FAM83H: variants seen among roughly 807,000 people sequenced by gnomAD.
FAM83H encodes protein FAM83H.
A neutral mutation model predicts 30.2 loss-of-function variants in FAM83H; 24 were observed. That is an observed-to-expected ratio of 0.79 (90% CI 0.57 to 1.12). The LOEUF is 1.12. Ranked by LOEUF, FAM83H falls within the 50% of genes most tolerant of loss-of-function variation. FAM83H has a pLI of 0.00. For missense variants in FAM83H, 2,038 were observed against 1,773.9 expected (o/e 1.15, Z -2.67); for synonymous variants, 1,013 against 821.7 (o/e 1.23, Z -3.98).
At chr8:143,732,276 G>A (rs1818549225) in intron 1 of FAM83H, 1 of 985,240 alleles carries the variant, frequency 1.0e-6, no homozygotes, top group South Asian at 4.7e-5. Context: ...TTCTTTGTTG[G>A]GGCACCGTCC....
Position 143,729,056 on chromosome 8 carries a change from G to C in FAM83H, c.648C>G (p.Tyr216Ter), listed in dbSNP as rs1554623669. ...TGAAGGACTTCCCAGTGCGGCAGTA[G>C]TAGGTGGGGCCCGCCACAGTCCGTA... ...LRVRTVAGPT[Y>*]YCRTGKSFKG... Residue 216 changes from tyrosine to a stop codon, truncating the protein, a stop_gained, in exon 4 of 5, where the codon TAC becomes TAG. Transcript: ENST00000388913. LOFTEE classifies it high-confidence loss of function. The C allele has an allele frequency of 6.2e-7, 1 of 1,613,586 alleles. No homozygotes were observed. The highest frequency in any genetic ancestry group is 1.7e-5 in the Admixed American group (1 of 60,030).
rs1445529366 is a variant in FAM83H, at chr8:143,728,987, C to T, written c.717G>A (p.Val239=). ...CGCACCTGTAGCTCCCACTCATCAC[C>T]ACGGCACAGTCCACCAGCAGGAACT... ...KEKFLLVDCA[V]VMSGSYSFMW... The change falls in exon 4 of 5, where the codon GTG becomes GTA. Residue 239 remains valine, a synonymous_variant. Transcript: ENST00000388913. 1 of 1,613,596 alleles carries T rather than the reference C, an allele frequency of 6.2e-7. No homozygotes were observed. The highest frequency in any genetic ancestry group is 1.3e-5 in the African/African-American group (1 of 74,894).
Position 143,725,668 on chromosome 8 carries a change from A to C in FAM83H, c.*253T>G. The C allele has an allele frequency of 1.7e-6, 1 of 601,446 alleles. No homozygotes were observed. 37.3% of individuals were successfully genotyped at this position (601,446 alleles called of 1,614,324 possible). A position where few individuals can be genotyped will look rare whatever the true frequency, so the allele number is the denominator to read the frequency against. On this transcript the variant is annotated 3_prime_UTR_variant, in exon 5 of 5. Transcript: ENST00000388913. ...CGCAAGGCTGACGGTGCAGAGATGA[A>C]GGTGCTGAGGGGAGAAAGGCACTGG...
Position 143,726,052 on chromosome 8 carries a change from C to G in FAM83H, c.3409G>C (p.Glu1137Gln). ...GCCTCCTCTTTCTTGCAGAAGACCT[C>G]GAAGCGGCTGTACACGCGCTTCTCC... ...RKEKRVYSRFEVFCKKEEASS... is the reference protein window; with the variant it reads ...RKEKRVYSRFQVFCKKEEASS... Residue 1137 changes from glutamate to glutamine, a missense_variant, in exon 5 of 5, where the codon GAG (glutamate) becomes CAG (glutamine). Coordinates refer to ENST00000388913, the MANE Select transcript of FAM83H (RefSeq NM_198488.5). 6.2e-7 allele frequency: 1 copy of G among 1,612,442 alleles called. No homozygotes were observed. Among genetic ancestry groups the G allele is most frequent in the Middle Eastern group, 1.7e-4 (1 of 6,056 alleles).
intron 4 of FAM83H, 118 bp from the exon 5 acceptor site, chr8:143,728,841 G>A (rs1818409378): frequency 7.5e-6 from 12 of 1,596,252 alleles, no homozygotes; most frequent in East Asian, 2.2e-5. Flanking sequence ...ACCTGGGCCC[G>A]GCTAGGCTGT....
At position 143,729,275 on chromosome 8, in the gene FAM83H, C is replaced by T. The variant is rs782447687; in HGVS notation, c.496G>A (p.Glu166Lys). The change falls in exon 3 of 5, where the codon GAA becomes AAA. Residue 166 changes from glutamate to lysine, a missense_variant. Coordinates refer to ENST00000388913, the MANE Select transcript of FAM83H (RefSeq NM_198488.5). ...DMFTDVDLLSEVLEAAARRVP... is the reference protein window; with the variant it reads ...DMFTDVDLLSKVLEAAARRVP... ...CGACGGGCCGCGGCCTCCAGCACTT[C>T]GCTGAGCAGGTCCACATCAGTGAAC... 3.1e-6 allele frequency: 5 copies of T among 1,613,400 alleles called. No homozygotes were observed. The highest frequency in any genetic ancestry group is 4.2e-6 in the Non-Finnish European group (5 of 1,180,020).
rs782125910 is a variant in FAM83H at position 143,726,702 on chromosome 8, G to A, written c.2759C>T (p.Pro920Leu). ...GGGCACCGGACTGCTCCTGCGCTCCGGCACGGGGGGCACCGGACTACCCCT... is the reference window on the plus strand; with the variant it reads ...GGGCACCGGACTGCTCCTGCGCTCCAGCACGGGGGGCACCGGACTACCCCT... ...ERRGSPVPPV[P>L]ERRSSPVPPV... The change falls in exon 5 of 5, where the codon CCG becomes CTG. Residue 920 changes from proline (P) to leucine (L), a missense_variant. Pro to Leu is a moderately conservative substitution (Grantham distance 98). Coordinates refer to ENST00000388913, the MANE Select transcript of FAM83H (RefSeq NM_198488.5). 6.9e-6 allele frequency: 11 copies of A among 1,604,096 alleles called. No homozygotes were observed. The East Asian group carries it at 8.9e-5, about 13-fold the overall frequency.
intron 2 of FAM83H, 43 bp from the exon 3 acceptor site, chr8:143,729,366 C>T: frequency 6.2e-7 from 1 of 1,608,352 alleles, no homozygotes; most frequent in East Asian, 2.2e-5. Flanking sequence ...CCCCTGCTGT[C>T]CCCACACCAT....
Position 143,726,231 on chromosome 8 carries a change from G to A in FAM83H, c.3230C>T (p.Ala1077Val). ...NSPELGRPPA[A>V]GVLAPDMSDK... ...GGACATATCTGGGGCCAGGACGCCA[G>A]CAGCCGGTGGACGGCCTAGCTCGGG... Residue 1077 changes from alanine to valine, a missense_variant, in exon 5 of 5, where the codon GCT (alanine) becomes GTT (valine). By Grantham distance (64) the Ala-to-Val change is moderately conservative (BLOSUM62 0). Transcript: ENST00000388913. 2.5e-6 allele frequency: 4 copies of A among 1,612,170 alleles called. No individual in the cohort carries two copies. Among genetic ancestry groups the A allele is most frequent in the East Asian group, 2.2e-5 (1 of 44,866 alleles).
intron 1 of FAM83H, chr8:143,731,995 C>A (rs1291490662): frequency 1.0e-5 from 10 of 985,328 alleles, no homozygotes; most frequent in South Asian, 4.7e-5. Context: ...AGGCAGGACA[C>A]CTGTCCCCGC....
rs782807989 is a variant in FAM83H, at chr8:143,730,370, C to T, written c.213G>A (p.Pro71=). 45 of 1,613,404 alleles carry T rather than the reference C, an allele frequency of 2.8e-5. No homozygotes were observed. The African/African-American group carries it at 3.3e-4, about 12-fold the overall frequency. The change falls in exon 2 of 5, where the codon CCG becomes CCA. Residue 71 remains proline (P), a synonymous_variant. Transcript: ENST00000388913. Reference sequence around the variant, plus strand: ...CAGGTGGCTCTCGGGTAACATACTGCGGAGGCCGAAGGTGTCGGCTCACAT... The same window carrying T: ...CAGGTGGCTCTCGGGTAACATACTGTGGAGGCCGAAGGTGTCGGCTCACAT... ...LEHVSRHLRP[P]QYVTREPPEG...
rs529367106 is a variant in FAM83H at position 143,725,333 on chromosome 8, C to G, written c.*588G>C. The G allele has an allele frequency of 6.1e-6, 1 of 163,316 alleles. No homozygotes were observed. Among genetic ancestry groups the G allele is most frequent in the African/African-American group, 2.4e-5 (1 of 41,516 alleles). The allele number at this position is 163,316 out of a possible 1,614,324, so 10.1% of individuals were successfully genotyped here. The stretch of plus-strand genomic sequence containing the variant: ...GGGACTTAGCGGGGTGCAAGGCTCA[C>G]GCCTGTAATCCCCCCACTTTGGGAG... On this transcript the variant is annotated 3_prime_UTR_variant, in exon 5 of 5. Coordinates refer to ENST00000388913, the MANE Select transcript of FAM83H (RefSeq NM_198488.5).
Position 143,725,801 on chromosome 8 carries a change from G to C in FAM83H, c.*120C>G. ...TCTGGCGCACTCAGCCAAGCCCCAA[G>C]CGGCCGTGGCCTGACAGCCGCTGCT... is the stretch of plus-strand genomic sequence containing the variant. On this transcript the variant is annotated 3_prime_UTR_variant, in exon 5 of 5. Transcript: ENST00000388913. 7.9e-6 allele frequency: 12 copies of C among 1,515,452 alleles called. 1 individual carries two copies. The South Asian group carries it at 1.1e-4, about 14-fold the overall frequency. 93.9% of individuals were successfully genotyped at this position (1,515,452 alleles called of 1,614,324 possible).
chr8:143,730,232 G>A lies in FAM83H; in HGVS notation c.351C>T (p.Phe117=). The change falls in exon 2 of 5, where the codon TTC becomes TTT. Residue 117 remains phenylalanine (F), a synonymous_variant. Coordinates refer to ENST00000388913, the MANE Select transcript of FAM83H (RefSeq NM_198488.5). ...CCAAGGTGGTCACCTCGGTGCCCTGGAAGCCGAAGGTCAGAGGCCAGCCCA... is the reference window on the plus strand; with the variant it reads ...CCAAGGTGGTCACCTCGGTGCCCTGAAAGCCGAAGGTCAGAGGCCAGCCCA... ...LDLGWPLTFG[F]QGTEVTTLVQ... 1 of 1,613,414 alleles carries A rather than the reference G, an allele frequency of 6.2e-7. No homozygotes were observed. Among genetic ancestry groups the A allele is most frequent in the Non-Finnish European group, 8.5e-7 (1 of 1,179,894 alleles).
intron 1 of FAM83H, chr8:143,731,695 A>T: frequency 1.0e-6 from 1 of 985,402 alleles, no homozygotes; most frequent in Non-Finnish European, 1.2e-6. Flanking sequence ...ACATCGCCCA[A>T]ATCTGGCTCT....
chr8:143,730,552 C>G lies in FAM83H; in HGVS notation c.31G>C (p.Gly11Arg), dbSNP rs782294242. 5.6e-5 allele frequency: 88 copies of G among 1,563,448 alleles called. 1 individual carries two copies. The South Asian group carries it at 1.0e-3, about 18-fold the overall frequency. The part of the protein sequence containing the change: MARRSQSSSQ[G>R]DNPLAPGYLP... ...TACCCGGGTGCCAGTGGGTTGTCCC[C>G]CTGCGAGGAGCTCTGAGAGCGACGG... Residue 11 changes from glycine to arginine, a missense_variant, in exon 2 of 5, where the codon GGG becomes CGG. By Grantham distance (125) the Gly-to-Arg change is moderately radical. Transcript: ENST00000388913.
intron 2 of FAM83H, 32 bp from the exon 3 acceptor site, chr8:143,729,355 G>A: frequency 6.2e-7 from 1 of 1,610,918 alleles, no homozygotes; most frequent in African/African-American, 1.3e-5. Flanking sequence ...GAGAGGAGAG[G>A]CCCCTGCTGT....
At position 143,728,105 on chromosome 8, in the gene FAM83H, C is replaced by G. The variant is rs377700279; in HGVS notation, c.1356G>C (p.Gln452His). Reference sequence around the variant, plus strand: ...CCCACTGGTACTGCTGCTGGTAGAGCTGGTCACGGTGGAAGTGGCTGGTCT... The same window carrying G: ...CCCACTGGTACTGCTGCTGGTAGAGGTGGTCACGGTGGAAGTGGCTGGTCT... ...RFQTSHFHRD[Q>H]LYQQQYQWDP... is the part of the protein sequence containing the mutation. The change falls in exon 5 of 5, where the codon CAG becomes CAC. Residue 452 changes from glutamine to histidine, a missense_variant. By Grantham distance (24) the Gln-to-His change is conservative. Transcript: ENST00000388913. 3 of 1,610,922 alleles carry G rather than the reference C, an allele frequency of 1.9e-6. No individual in the cohort carries two copies. In the African/African-American group the frequency reaches 4.0e-5, roughly 22 times the overall value.
chr8:143,732,088 C>A, intron 1 of FAM83H: 1 of 985,374 alleles, frequency 1.0e-6, no homozygotes, highest in Non-Finnish European at 1.2e-6. Flanking sequence ...AGGATGGATG[C>A]CGGCCAGCTG....
Sources: gnomAD v4.1 joint callset for allele counts on GRCh38, gnomAD v4.1.1 for gene constraint, MANE v1.5 for transcripts, NCBI Gene and HGNC (gene_info 2026-07-23, HGNC 2026-07-21) for gene names.